The following PASK variants were observed in gnomAD, a reference collection of about 807,000 sequenced individuals.
PASK encodes the protein PAS domain-containing serine/threonine-protein kinase.
Under a neutral mutation model 121.0 loss-of-function variants are expected in PASK, and 110 were observed. That is an observed-to-expected ratio of 0.91 (90% CI 0.78 to 1.06). The LOEUF is 1.06. PASK is among the 50% of genes least tolerant of loss of function. The pLI is 0.00. For synonymous variants in PASK, 686 were observed against 717.8 expected, an observed-to-expected ratio of 0.96 and a Z score of 0.71; for missense variants, 1,643 against 1,702.3, an observed-to-expected ratio of 0.97 and a Z score of 0.61.
At chr2:241,143,325 G>T (rs555497694) in intron 1 of PASK, among the ~76,000 whole-genome samples, 4 of 152,166 alleles carry the variant, frequency 2.6e-5, no homozygotes, top group African/African-American at 9.7e-5. Flanking sequence ...GGCGGATCAC[G>T]AGGTCAGGAG....
At chr2:241,107,185 A>C (rs1044032219) in intron 17 of PASK, among the ~76,000 whole-genome samples, 168 bp downstream of exon 17, 2 of 152,176 alleles carry the variant, frequency 1.3e-5, no homozygotes, top group African/African-American at 4.8e-5. Context: ...GGACAGAATC[A>C]AACCCCCTCT....
intron 12 of PASK, among the ~76,000 whole-genome samples, chr2:241,115,780 G>A (rs111624077): frequency 7.6e-3 from 416 of 54,676 alleles, no homozygotes; most frequent in African/African-American, 0.016. Flanking sequence ...ATCCCATTAC[G>A]CCAGGGCCAC....
intron 16 of PASK, 87 bp from the exon 17 acceptor site, chr2:241,107,586 G>A (rs996531766): frequency 1.4e-5 from 19 of 1,317,996 alleles, no homozygotes; most frequent in South Asian, 3.5e-5. Flanking sequence ...CCACCCCCCC[G>A]CAGAGCCTCT....
chr2:241,141,897 C>G (rs974513274), intron 2 of PASK, among the ~76,000 whole-genome samples: 6 of 152,146 alleles, frequency 3.9e-5, no homozygotes, highest in African/African-American at 1.4e-4. Context: ...ACAGCAGTCA[C>G]CAAGCGCAGC....
At chr2:241,113,488 GC>G (rs2065195860) in intron 14 of PASK, 1 of 153,368 alleles carries the variant, frequency 6.5e-6, no homozygotes, top group Admixed American at 6.6e-5. Context: ...ACACACGTGT[GC>G]ATACCTATAC....
Position 241,127,026 on chromosome 2 carries a change from G to A in PASK, c.1889C>T (p.Pro630Leu). ...AAACGAGAGGCCTGCCATCCCAGAGGGGCTGGGGGCCAAGTCCTGGCTTCG... is the reference window on the plus strand; with the variant it reads ...AAACGAGAGGCCTGCCATCCCAGAGAGGCTGGGGGCCAAGTCCTGGCTTCG... ...WWRSQDLAPS[P>L]SGMAGLSFGT... Residue 630 changes from proline (P) to leucine (L), a missense_variant, in exon 10 of 18, where the codon CCC (proline) becomes CTC (leucine). This residue lies in a region of PASK where 1,176 missense variants were observed against 1,162.2 expected (regional missense o/e 1.01). Transcript: ENST00000234040. 1 of 1,614,192 alleles carries A rather than the reference G, an allele frequency of 6.2e-7. No homozygotes were observed. Among genetic ancestry groups the A allele is most frequent in the Non-Finnish European group, 8.5e-7 (1 of 1,180,034 alleles).
In PASK at chr2:241,126,192, A is replaced by G. The variant is rs74607464; in HGVS notation, c.2719+4T>C. Reference sequence around the variant, plus strand: ...CACTTCTTCCTATGGGGCCCGGGACATACTCAGCCGTAAGCCATCTCGATG... The same window carrying G: ...CACTTCTTCCTATGGGGCCCGGGACGTACTCAGCCGTAAGCCATCTCGATG... On this transcript the variant is annotated splice_donor_region_variant and intron_variant, in intron 10 of 17. Coordinates refer to ENST00000234040, the MANE Select transcript of PASK (RefSeq NM_015148.4). 3.1e-6 allele frequency: 5 copies of G among 1,613,738 alleles called. No homozygotes were observed. In the East Asian group the frequency reaches 6.7e-5, roughly 22 times the overall value.
intron 1 of PASK, among the ~76,000 whole-genome samples, chr2:241,148,756 T>A (rs2067102969): frequency 6.6e-6 from 1 of 152,112 alleles, no homozygotes; most frequent in Non-Finnish European, 1.5e-5. Context: ...CAAGAAATTA[T>A]AAAGTCTTAA....
chr2:241,128,775 A>G lies in PASK; in HGVS notation c.1464-1324T>C, dbSNP rs551078981. Among the ~76,000 whole-genome samples, 135 of 152,138 alleles carry G rather than the reference A, an allele frequency of 8.9e-4. 1 individual carries two copies. Among genetic ancestry groups the G allele is most frequent in the African/African-American group, 3.0e-3 (125 of 41,506 alleles). On this transcript the variant is annotated intron_variant, in intron 9 of 17. Transcript: ENST00000234040. ...CAGCTACTTGGGAGGCTGAAGCGGGAACCTCGCTTGAGCACAGGAGTCTAG... is the reference window on the plus strand; with the variant it reads ...CAGCTACTTGGGAGGCTGAAGCGGGGACCTCGCTTGAGCACAGGAGTCTAG...
Position 241,112,132 on chromosome 2 carries a change from T to G in PASK, c.3533+108A>C, listed in dbSNP as rs2065135654. On this transcript the variant is annotated intron_variant, in intron 15 of 17. Coordinates refer to ENST00000234040, the MANE Select transcript of PASK (RefSeq NM_015148.4). The surrounding 1 kb of genome is among the most constrained non-coding windows in gnomAD (Gnocchi z 5.2). Reference sequence around the variant, plus strand: ...GCATATCACCCTGACCACTCAACACTCATCACAAAGAGGCACAAAGGAAGC... The same window carrying G: ...GCATATCACCCTGACCACTCAACACGCATCACAAAGAGGCACAAAGGAAGC... 1.2e-6 allele frequency: 1 copy of G among 857,764 alleles called. No individual in the cohort carries two copies. Among genetic ancestry groups the G allele is most frequent in the Non-Finnish European group, 2.0e-6 (1 of 505,830 alleles). The allele number at this position is 857,764 out of a possible 1,614,324, so 53.1% of individuals were successfully genotyped here. A position where few individuals can be genotyped will look rare whatever the true frequency, so the allele number is the denominator to read the frequency against.
At chr2:241,120,032 TAATAA>T (rs202034221) in intron 12 of PASK, among the ~76,000 whole-genome samples, 5,652 of 152,034 alleles carry the variant, frequency 0.037, 352 homozygotes, top group African/African-American at 0.13. Flanking sequence ...ATAATAAAAT[TAATAA>T]AATAAAATAA....
rs1441718790 is a variant in PASK at position 241,133,520 on chromosome 2, C to T, written c.1307-490G>A. The T allele has an allele frequency of 1.4e-5, 3 of 221,452 alleles. No homozygotes were observed. The Admixed American group carries it at 1.6e-4, about 12-fold the overall frequency. The allele number at this position is 221,452 out of a possible 1,614,324, so 13.7% of individuals were successfully genotyped here. On this transcript the variant is annotated intron_variant, in intron 8 of 17. Coordinates refer to ENST00000234040, the MANE Select transcript of PASK (RefSeq NM_015148.4). ...CAAGCCTAAGACTGCATGCCCTCTT[C>T]CCCTCTTTGCCTTCCTCCCGAGCTC...
chr2:241,143,557 A>C (rs1284222799), intron 1 of PASK, among the ~76,000 whole-genome samples: 1 of 152,162 alleles, frequency 6.6e-6, no homozygotes, highest in Non-Finnish European at 1.5e-5. Flanking sequence ...TGTCAAAAAA[A>C]AAGAAAAAAA....
At chr2:241,143,292 C>A (rs566823296) in intron 1 of PASK, among the ~76,000 whole-genome samples, 13 of 152,258 alleles carry the variant, frequency 8.5e-5, no homozygotes, top group African/African-American at 2.9e-4. Context: ...CCTGTCATCC[C>A]AGCACTTTGG....
chr2:241,146,229 A>G (rs1183460935), intron 1 of PASK, among the ~76,000 whole-genome samples: 2 of 152,252 alleles, frequency 1.3e-5, no homozygotes, highest in Non-Finnish European at 2.9e-5. Flanking sequence ...GAATCTAGTA[A>G]TACCCAATGT....
intron 14 of PASK, among the ~76,000 whole-genome samples, chr2:241,113,085 C>A (rs2065173998): frequency 6.6e-6 from 1 of 152,216 alleles, no homozygotes; most frequent in Non-Finnish European, 1.5e-5. Context: ...CTGCAGTGCT[C>A]CACTGCCTGC....
chr2:241,137,527 C>A (rs1267698810), intron 6 of PASK, among the ~76,000 whole-genome samples: 1 of 152,184 alleles, frequency 6.6e-6, no homozygotes, highest in Non-Finnish European at 1.5e-5. Context: ...CAGTGAGGGG[C>A]CGGGCACCAG....
chr2:241,121,359 G>A (rs1413351407), intron 12 of PASK, among the ~76,000 whole-genome samples: 1 of 152,124 alleles, frequency 6.6e-6, no homozygotes, highest in African/African-American at 2.4e-5. Flanking sequence ...CAATACCGAT[G>A]CCAAAAATCA....
chr2:241,125,271 A>C (rs1250045472), intron 10 of PASK, among the ~76,000 whole-genome samples: 1 of 151,290 alleles, frequency 6.6e-6, no homozygotes, highest in African/African-American at 2.4e-5. Context: ...ATTGCACTCC[A>C]GCTAGGGTGG....
Sources: gnomAD v4.1 joint callset for allele counts (sites outside exome capture counted in the v4.1 genomes callset) on GRCh38, gnomAD v4.1.1 for gene constraint, gnomAD v4.1.1 regional missense constraint, Gnocchi (gnomAD v3.1) non-coding constraint, MANE v1.5 for transcripts, NCBI Gene and HGNC (gene_info 2026-07-23, HGNC 2026-07-21) for gene names.